Variants in SUMF1 observed in about 807,000 individuals in gnomAD.
The protein encoded by SUMF1 is formylglycine-generating enzyme.
In SUMF1, 48 loss-of-function variants were observed where a neutral mutation model predicts 47.6. The ratio of observed to expected loss-of-function variants is 1.01; its 90% confidence interval spans 0.80 to 1.28. SUMF1 has a LOEUF of 1.28. Among genes scored for constraint, SUMF1 ranks in the 50% most tolerant of loss-of-function variants. SUMF1 has a pLI of 0.00. For missense variants in SUMF1, 571 were observed against 485.4 expected, an observed-to-expected ratio of 1.18 and a Z score of -1.66; for synonymous variants, 230 against 192.1, an observed-to-expected ratio of 1.20 and a Z score of -1.63.
intron 1 of SUMF1, among the ~76,000 whole-genome samples, chr3:4,465,881 T>C (rs2079931422): frequency 6.6e-6 from 1 of 152,164 alleles, no homozygotes; most frequent in South Asian, 2.1e-4. Context: ...AAAGAGGAGA[T>C]CAGGTAAAAC....
intron 8 of SUMF1, among the ~76,000 whole-genome samples, chr3:4,196,407 C>G (rs530609801): frequency 6.6e-6 from 1 of 152,210 alleles, no homozygotes; most frequent in East Asian, 1.9e-4. Context: ...GCTTTCCTCC[C>G]TATACCAGAC....
intron 8 of SUMF1, among the ~76,000 whole-genome samples, chr3:4,151,758 T>C (rs1362130964): frequency 1.3e-5 from 2 of 150,932 alleles, no homozygotes; most frequent in Non-Finnish European, 2.9e-5. Flanking sequence ...TTTATGAATC[T>C]GTGTTGGGCC....
chr3:4,159,908 G>A (rs1347732027), intron 8 of SUMF1, among the ~76,000 whole-genome samples: 5 of 152,068 alleles, frequency 3.3e-5, no homozygotes, highest in Non-Finnish European at 7.4e-5. Flanking sequence ...AGTTTCCACT[G>A]AAAAGTCTGC....
chr3:4,402,441 A>G (rs1052253352), intron 7 of SUMF1, among the ~76,000 whole-genome samples: 4 of 152,166 alleles, frequency 2.6e-5, no homozygotes, highest in African/African-American at 9.6e-5. Flanking sequence ...TTGGCACTCA[A>G]TCTTTCCTCA....
At chr3:4,162,085 T>G (rs1694590546) in intron 8 of SUMF1, among the ~76,000 whole-genome samples, 1 of 152,044 alleles carries the variant, frequency 6.6e-6, no homozygotes, top group Admixed American at 6.5e-5. Context: ...TGGTGCAGGG[T>G]GTACCTAGCA....
chr3:4,369,468 T>C (rs1700102324), intron 8 of SUMF1, among the ~76,000 whole-genome samples: 1 of 152,150 alleles, frequency 6.6e-6, no homozygotes, highest in African/African-American at 2.4e-5. Context: ...ATTTCTAGAA[T>C]CAAGTTCCTG....
At chr3:4,206,678 T>C (rs1335048493) in intron 8 of SUMF1, among the ~76,000 whole-genome samples, 1 of 152,160 alleles carries the variant, frequency 6.6e-6, no homozygotes, top group Non-Finnish European at 1.5e-5. Flanking sequence ...ATCACTCACC[T>C]GATTCTTTGG....
intron 8 of SUMF1, among the ~76,000 whole-genome samples, chr3:4,349,489 T>C (rs544452927): frequency 2.6e-5 from 4 of 152,304 alleles, no homozygotes; most frequent in Admixed American, 6.5e-5. Flanking sequence ...CCTGGATATA[T>C]ACCCAAAGGA....
intron 8 of SUMF1, among the ~76,000 whole-genome samples, chr3:4,310,368 A>G (rs1170801858): frequency 6.6e-6 from 1 of 152,236 alleles, no homozygotes; most frequent in African/African-American, 2.4e-5. Flanking sequence ...ATTATTCTTG[A>G]GTGTAGTCAT....
At chr3:4,062,072 C>A (rs2596894) in intron 9 of SUMF1, among the ~76,000 whole-genome samples, 89,647 of 151,886 alleles carry the variant, frequency 0.59, 27,267 homozygotes, top group East Asian at 0.75. Context: ...AACAGCACCC[C>A]CTTCCTCATA....
chr3:4,426,067 G>C lies in SUMF1; in HGVS notation c.520-5921C>G, dbSNP rs550112501. 1.7e-3 allele frequency among the ~76,000 whole-genome samples: 257 copies of C among 152,284 alleles called. 1 individual carries two copies. Among genetic ancestry groups the C allele is most frequent in the Middle Eastern group, 0.01 (3 of 294 alleles). ...CCCTCCCATGACACGTAAAGATTAT[G>C]GGAGCTACAATTCATTCAAGATGAG... On this transcript the variant is annotated intron_variant, in intron 3 of 8. Coordinates refer to ENST00000272902, the MANE Select transcript of SUMF1 (RefSeq NM_182760.4).
intron 8 of SUMF1, among the ~76,000 whole-genome samples, chr3:4,179,071 G>T (rs1695034808): frequency 6.6e-6 from 1 of 152,190 alleles, no homozygotes; most frequent in Non-Finnish European, 1.5e-5. Flanking sequence ...AATGTTCTAT[G>T]CTCATGGATA....
chr3:4,097,867 C>T (rs1364609264), intron 8 of SUMF1, among the ~76,000 whole-genome samples: 1 of 152,106 alleles, frequency 6.6e-6, no homozygotes, highest in South Asian at 2.1e-4. Flanking sequence ...AGACTGACAG[C>T]AGTCAAGGGC....
At chr3:4,450,005 G>C (rs1239311791) in intron 2 of SUMF1, among the ~76,000 whole-genome samples, 2 of 152,122 alleles carry the variant, frequency 1.3e-5, no homozygotes, top group African/African-American at 2.4e-5. Context: ...TCTTGTTTCA[G>C]CCACTGAAAC....
chr3:4,130,403 G>A (rs769048440), intron 8 of SUMF1, among the ~76,000 whole-genome samples: 2 of 152,164 alleles, frequency 1.3e-5, no homozygotes, highest in Admixed American at 6.5e-5. Flanking sequence ...TATCTCAGGG[G>A]TATACAAACT....
At position 4,254,173 on chromosome 3, in the gene SUMF1, C is replaced by G. The variant is rs183992913; in HGVS notation, c.1014+122157G>C. 7.0e-4 allele frequency among the ~76,000 whole-genome samples: 107 copies of G among 152,050 alleles called. No homozygotes were observed. In the East Asian group the frequency reaches 0.016, roughly 23 times the overall value. On this transcript the variant is annotated intron_variant and NMD_transcript_variant, in intron 8 of 12. Coordinates refer to the SUMF1 transcript ENST00000448413. The stretch of plus-strand genomic sequence containing the variant: ...CCACAAAGATGGGGAAAAAACAGAA[C>G]AGAAAAACTGGAAACTCTAAAAAGC...
At chr3:4,443,199 G>A (rs711639) in intron 3 of SUMF1, among the ~76,000 whole-genome samples, 1 of 151,960 alleles carries the variant, frequency 6.6e-6, no homozygotes, top group African/African-American at 2.4e-5. Flanking sequence ...AATTGCTTGA[G>A]CCCAGTAGGT....
intron 7 of SUMF1, among the ~76,000 whole-genome samples, chr3:4,384,848 A>C (rs60873114): frequency 0.22 from 33,261 of 151,838 alleles, 4,021 homozygotes; most frequent in African/African-American, 0.33. Context: ...CAAAGGAGGG[A>C]ATATAGTGGT....
intron 8 of SUMF1, among the ~76,000 whole-genome samples, chr3:4,311,506 G>T (rs1263385856): frequency 6.6e-6 from 1 of 152,130 alleles, no homozygotes; most frequent in East Asian, 1.9e-4. Flanking sequence ...ACTGCTTCCT[G>T]GAAAAGAATG....
Sources: gnomAD v4.1 joint callset for allele counts (sites outside exome capture counted in the v4.1 genomes callset) on GRCh38, gnomAD v4.1.1 for gene constraint, MANE v1.5 for transcripts, NCBI Gene and HGNC (gene_info 2026-07-23, HGNC 2026-07-21) for gene names.